The following HVCN1 variants were observed in gnomAD, a reference collection of about 807,000 sequenced individuals.
HVCN1 encodes the protein hydrogen voltage gated channel 1, also known as voltage-gated hydrogen channel 1.
A neutral mutation model predicts 29.2 loss-of-function variants in HVCN1; 14 were observed. The ratio of observed to expected loss-of-function variants is 0.48; its 90% CI spans 0.32 to 0.75. The LOEUF (loss-of-function observed/expected upper bound fraction) is 0.75, where lower values mean the gene tolerates loss of function less well. Among genes scored for constraint, HVCN1 ranks in the 30% least tolerant of loss-of-function variants. HVCN1 has a pLI of 0.04. For missense variants in HVCN1, 263 were observed against 341.8 expected (o/e 0.77, Z 1.82); for synonymous variants, 131 against 133.2 (o/e 0.98, Z 0.11).
chr12:110,690,858 A>C (rs2069390656), upstream of HVCN1, among the ~76,000 whole-genome samples: 1 of 151,838 alleles, frequency 6.6e-6, no homozygotes, highest in African/African-American at 2.4e-5. Context: ...GAGTTCAAGC[A>C]ATTCTCCTGC....
In HVCN1 at chr12:110,676,826, G is replaced by C. The variant is rs2068765068; in HGVS notation, c.21+6399C>G. On this transcript the variant is annotated intron_variant, in intron 3 of 7. Transcript: ENST00000242607. The surrounding 1 kb of genome is among the most constrained non-coding windows in gnomAD (Gnocchi z 4.1). Reference sequence around the variant, plus strand: ...TTTTGTGGCAATTAATCTGAGCCAGGAGCACATCTGCATGCGAGTCCCACA... The same window carrying C: ...TTTTGTGGCAATTAATCTGAGCCAGCAGCACATCTGCATGCGAGTCCCACA... Among the ~76,000 whole-genome samples the C allele has an allele frequency of 6.6e-6, 1 of 151,986 alleles. No individual in the cohort carries two copies. The highest frequency in any genetic ancestry group is 2.4e-5 in the African/African-American group (1 of 41,386).
intron 2 of HVCN1, among the ~76,000 whole-genome samples, chr12:110,686,272 G>A (rs951249991): frequency 1.5e-4 from 23 of 151,998 alleles, no homozygotes; most frequent in African/African-American, 5.6e-4. Context: ...CTAAAGTGCT[G>A]GAATTACAGG....
At chr12:110,685,966 G>T (rs1234317351) in intron 2 of HVCN1, among the ~76,000 whole-genome samples, 2 of 151,924 alleles carry the variant, frequency 1.3e-5, no homozygotes, top group African/African-American at 2.4e-5. Flanking sequence ...ATAGGCATGA[G>T]CCATTGCACC....
At chr12:110,656,817 A>T (rs2068006739) in intron 4 of HVCN1, among the ~76,000 whole-genome samples, 1 of 152,224 alleles carries the variant, frequency 6.6e-6, no homozygotes, top group African/African-American at 2.4e-5. Flanking sequence ...ATTGCTTTGT[A>T]ATGAAGTTTT....
At chr12:110,650,408 TAGGGCATCAGAACTGGG>T (rs1481536891) in intron 6 of HVCN1, 128 bp from the exon 7 acceptor site, 2 of 613,888 alleles carry the variant, frequency 3.3e-6, no homozygotes, top group Non-Finnish European at 6.0e-6. Context: ...GTCATCACTT[TAGGGCATCAGAACTGGG>T]AGGTCAGGGT....
In HVCN1 at chr12:110,661,046, C is replaced by G. The variant is rs1470134094; in HGVS notation, c.306+118G>C. On this transcript the variant is annotated intron_variant, in intron 4 of 7. Transcript: ENST00000242607. This position sits in a 1 kb window ranked among gnomAD's most constrained non-coding sequence, Gnocchi z 6.2. ...TCCCCGGCACGTGGTAGGTGCTGGG[C>G]AAACACTCGTAGAATGAATGAGGCA... 3.0e-6 allele frequency: 3 copies of G among 986,238 alleles called. No individual in the cohort carries two copies. Among genetic ancestry groups the G allele is most frequent in the Non-Finnish European group, 4.6e-6 (3 of 650,652 alleles). The allele number at this position is 986,238 out of a possible 1,614,324, so 61.1% of individuals were successfully genotyped here. A position where few individuals can be genotyped will look rare whatever the true frequency, so the allele number is the denominator to read the frequency against.
At chr12:110,687,261 C>T (rs575524336) in intron 2 of HVCN1, among the ~76,000 whole-genome samples, 2 of 149,168 alleles carry the variant, frequency 1.3e-5, no homozygotes, top group Admixed American at 6.6e-5. Flanking sequence ...GACCACACCC[C>T]CCCCCCCCAG....
At chr12:110,684,550 G>C (rs953567594) in intron 2 of HVCN1, among the ~76,000 whole-genome samples, 1 of 152,114 alleles carries the variant, frequency 6.6e-6, no homozygotes, top group Non-Finnish European at 1.5e-5. Context: ...GTCACATTAC[G>C]GCAGAGTCTA....
chr12:110,690,998 G>T (rs565457961), upstream of HVCN1, among the ~76,000 whole-genome samples: 6 of 152,154 alleles, frequency 3.9e-5, no homozygotes, highest in South Asian at 1.0e-3. Flanking sequence ...CAAGTGATCC[G>T]CCTGCCTCGG....
At chr12:110,668,215 A>G (rs1014082527) in intron 3 of HVCN1, among the ~76,000 whole-genome samples, 5 of 151,968 alleles carry the variant, frequency 3.3e-5, no homozygotes, top group African/African-American at 1.2e-4. Context: ...TAACAACAAA[A>G]ACTCACCTGG....
At chr12:110,695,272 A>G (rs184159628) in intron 2 of HVCN1, among the ~76,000 whole-genome samples, 22 of 149,266 alleles carry the variant, frequency 1.5e-4, no homozygotes, top group Middle Eastern at 3.4e-3. Flanking sequence ...ACACACACAC[A>G]CATATATATA....
At position 110,649,369 on chromosome 12, in the gene HVCN1, C is replaced by G; in HGVS notation, c.*41G>C. 2 of 1,530,470 alleles carry G rather than the reference C, an allele frequency of 1.3e-6. No homozygotes were observed. The highest frequency in any genetic ancestry group is 1.8e-6 in the Non-Finnish European group (2 of 1,108,556). The allele number at this position is 1,530,470 out of a possible 1,614,324, so 94.8% of individuals were successfully genotyped here. ...TGTTCCTCTCGTGACAGCACAGGCC[C>G]ATGAGACAGTGTCTTCTTTTTGAGG... On this transcript the variant is annotated 3_prime_UTR_variant, in exon 8 of 8. Transcript: ENST00000242607.
At chr12:110,688,231 C>T (rs1393586729) in intron 2 of HVCN1, 1 of 152,282 alleles carries the variant, frequency 6.6e-6, no homozygotes, top group African/African-American at 2.4e-5. Context: ...TGCTTAACCT[C>T]ATGGGACAGA....
At chr12:110,655,169 C>A in intron 5 of HVCN1, 65 bp downstream of exon 5, 2 of 1,218,060 alleles carry the variant, frequency 1.6e-6, no homozygotes, top group Non-Finnish European at 1.2e-6. Flanking sequence ...ACTCTGCACC[C>A]CGTCTGTGCA....
intron 3 of HVCN1, among the ~76,000 whole-genome samples, chr12:110,671,373 A>G (rs1415577658): frequency 1.3e-5 from 2 of 152,204 alleles, no homozygotes; most frequent in Non-Finnish European, 2.9e-5. Flanking sequence ...CGTGAAGGTC[A>G]CAGAGGTCAG....
rs753832681 is a variant in HVCN1, at chr12:110,661,344, G to A, written c.126C>T (p.Tyr42=). The change falls in exon 4 of 8, where the codon TAC becomes TAT. Residue 42 remains tyrosine, a synonymous_variant. Coordinates refer to ENST00000242607, the MANE Select transcript of HVCN1 (RefSeq NM_032369.4). This position sits in a 1 kb window ranked among gnomAD's most constrained non-coding sequence, Gnocchi z 6.2. ...GDDYHAWNIN[Y]KKWENEEEEE... is the part of the protein sequence containing the mutation. The stretch of plus-strand genomic sequence containing the variant: ...CCTCCTCTTCATTCTCCCATTTCTT[G>A]TAGTTGATGTTCCAGGCATGGTAGT... 4 of 1,614,084 alleles carry A rather than the reference G, an allele frequency of 2.5e-6. No individual in the cohort carries two copies. Among genetic ancestry groups the A allele is most frequent in the Admixed American group, 1.7e-5 (1 of 60,004 alleles).
chr12:110,649,906 C>T (rs1376677054), intron 7 of HVCN1, among the ~76,000 whole-genome samples: 3 of 152,060 alleles, frequency 2.0e-5, no homozygotes, highest in East Asian at 1.9e-4. Flanking sequence ...AGTGCAATGG[C>T]GCGATCTTGG....
At chr12:110,696,705 A>T (rs1289379904) in intron 2 of HVCN1, among the ~76,000 whole-genome samples, 1 of 152,144 alleles carries the variant, frequency 6.6e-6, no homozygotes, top group Non-Finnish European at 1.5e-5. Flanking sequence ...GTCTGGTGTC[A>T]TTCATTGAGC....
chr12:110,695,745 A>C (rs1050189385), intron 2 of HVCN1, among the ~76,000 whole-genome samples: 1 of 152,190 alleles, frequency 6.6e-6, no homozygotes, highest in African/African-American at 2.4e-5. Context: ...TTTTCAGAAG[A>C]GAGAACAGCA....
Sources: gnomAD v4.1 joint callset for allele counts (sites outside exome capture counted in the v4.1 genomes callset) on GRCh38, gnomAD v4.1.1 for gene constraint, Gnocchi (gnomAD v3.1) non-coding constraint, MANE v1.5 for transcripts, NCBI Gene and HGNC (gene_info 2026-07-23, HGNC 2026-07-21) for gene names.